The following SEC14L3 variants were observed in gnomAD, a reference collection of about 807,000 sequenced individuals.
SEC14L3 encodes the protein SEC14 like lipid binding 3.
SEC14L3 carries 56 observed loss-of-function variants against 57.4 expected under a neutral mutation model. That is an observed-to-expected ratio of 0.97 (90% CI 0.79 to 1.22). SEC14L3 has a LOEUF of 1.22. SEC14L3 is among the 50% of genes most tolerant of loss of function. The probability of loss-of-function intolerance (pLI) is 0.00; values close to 1 mark genes in which losing one functional copy is unlikely to be tolerated. For synonymous variants in SEC14L3, 173 were observed against 194.4 expected (o/e 0.89, Z 0.92); for missense variants, 485 against 511.7 (o/e 0.95, Z 0.50).
chr22:30,454,602 T>TATAATAATATTTATATAATCTATA (rs10677218), downstream of SEC14L3, among the ~76,000 whole-genome samples: 1 of 97,198 alleles, frequency 1.0e-5, no homozygotes, highest in African/African-American at 4.3e-5. Flanking sequence ...ATATATAATC[T>TATAATAATATTTATATAATCTATA]ATAATATTAT....
chr22:30,455,192 A>ATTATATTTAATATTTAATATT (rs1569225767), downstream of SEC14L3, among the ~76,000 whole-genome samples: 3 of 122,092 alleles, frequency 2.5e-5, no homozygotes, highest in Non-Finnish European at 3.2e-5. Flanking sequence ...TATTTAATAT[A>ATTATATTTAATATTTAATATT]TAATATAAAT....
chr22:30,454,016 T>C (rs1180227065), intron 12 of SEC14L3, among the ~76,000 whole-genome samples: 1 of 152,106 alleles, frequency 6.6e-6, no homozygotes, highest in Non-Finnish European at 1.5e-5. Flanking sequence ...TGTCTTACTG[T>C]TCTTTCTGGT....
chr22:30,466,070 G>A (rs1394433200), intron 7 of SEC14L3, among the ~76,000 whole-genome samples: 1 of 152,240 alleles, frequency 6.6e-6, no homozygotes, highest in Non-Finnish European at 1.5e-5. Flanking sequence ...GCAGTCTGGG[G>A]AGGGAGAGAT....
rs142389584 is a variant in SEC14L3, at chr22:30,466,124, G to C, written c.580+210C>G. Among the ~76,000 whole-genome samples the C allele has an allele frequency of 1.6e-3, 239 of 152,280 alleles. 1 individual carries two copies. Among genetic ancestry groups the C allele is most frequent in the African/African-American group, 5.6e-3 (232 of 41,552 alleles). On this transcript the variant is annotated intron_variant, in intron 7 of 11. Coordinates refer to ENST00000215812, the MANE Select transcript of SEC14L3 (RefSeq NM_174975.5). ...TAAGGGAGGATCCCTGGGAGAGCTG[G>C]GACTGGAGCTGCCTTCTCTTGCAGT... is the stretch of plus-strand genomic sequence containing the variant.
At position 30,448,850 on chromosome 22, in the gene SEC14L3, C is replaced by G. The variant is rs145564971; in HGVS notation, c.*237G>C. The stretch of plus-strand genomic sequence containing the variant: ...AAGGTTGCAGTGAGCTATGATCGCA[C>G]CACTGCACTCCAGCCTGGGCCACAA... On this transcript the variant is annotated 3_prime_UTR_variant, in exon 13 of 13. Transcript: ENST00000403066. 1.2e-3 allele frequency: 579 copies of G among 490,770 alleles called. 11 individuals carry two copies. In the East Asian group the frequency reaches 0.019, roughly 16 times the overall value. 30.4% of individuals were successfully genotyped at this position (490,770 alleles called of 1,614,324 possible).
At chr22:30,467,374 T>C (rs1935455062) in intron 5 of SEC14L3, among the ~76,000 whole-genome samples, 1 of 151,992 alleles carries the variant, frequency 6.6e-6, no homozygotes, top group Non-Finnish European at 1.5e-5. Flanking sequence ...TTGTCATTAA[T>C]TTATTCATCC....
chr22:30,470,390 A>C (rs1935566627), intron 2 of SEC14L3, 117 bp downstream of exon 2: 2 of 1,598,192 alleles, frequency 1.3e-6, no homozygotes, highest in East Asian at 2.2e-5. Flanking sequence ...CTGGACCTGA[A>C]CATGTGAAGC....
chr22:30,454,851 T>TTTTA (rs1935069218), downstream of SEC14L3, among the ~76,000 whole-genome samples: 1 of 56,602 alleles, frequency 1.8e-5, no homozygotes, highest in African/African-American at 9.4e-5. Context: ...ATATAATATA[T>TTTTA]TATATTATTA....
intron 12 of SEC14L3, among the ~76,000 whole-genome samples, chr22:30,452,234 TTTTC>T (rs1437931764): frequency 5.0e-5 from 7 of 140,868 alleles, no homozygotes; most frequent in Non-Finnish European, 7.5e-5. Flanking sequence ...AGGAATTTTC[TTTTC>T]TTTCTTTCTT....
At chr22:30,449,543 T>TTTTTCTTTTC (rs71814315) in intron 12 of SEC14L3, among the ~76,000 whole-genome samples, 2 of 137,722 alleles carry the variant, frequency 1.5e-5, no homozygotes, top group African/African-American at 2.8e-5. Context: ...TGTCCGTTCT[T>TTTTTCTTTTC]TTTTCTTTTC....
chr22:30,447,963 A>G, exon 13 of SEC14L3: 1 of 141,306 alleles, frequency 7.1e-6, no homozygotes, highest in African/African-American at 2.7e-5. Flanking sequence ...TTTTTTCATG[A>G]TGGCTGCCCC....
rs749424880 is a variant in SEC14L3, at chr22:30,471,897, G to C, written c.54+8C>G. ...GTCTTCCGGAACTCCAGGGGGAGGG[G>C]CTCTCACCTTGGCCAGGGTCTCTGC... On this transcript the variant is annotated splice_region_variant and intron_variant, in intron 1 of 11. Transcript: ENST00000215812. 1 of 1,613,198 alleles carries C rather than the reference G, an allele frequency of 6.2e-7. No individual in the cohort carries two copies. Among genetic ancestry groups the C allele is most frequent in the South Asian group, 1.1e-5 (1 of 90,986 alleles).
At chr22:30,468,765 T>G (rs1459200513) in intron 4 of SEC14L3, 69 bp from the exon 5 acceptor site, 5 of 1,613,184 alleles carry the variant, frequency 3.1e-6, no homozygotes, top group Non-Finnish European at 4.2e-6. Context: ...CAGGCTGACC[T>G]GGGTGGCCCA....
intron 12 of SEC14L3, among the ~76,000 whole-genome samples, chr22:30,450,506 T>C (rs1424914787): frequency 2.0e-5 from 3 of 152,138 alleles, no homozygotes; most frequent in African/African-American, 7.2e-5. Context: ...TTTCACCATA[T>C]TGGCCAGGCT....
chr22:30,471,315 T>C, intron 1 of SEC14L3: 2 of 455,288 alleles, frequency 4.4e-6, no homozygotes, highest in South Asian at 1.6e-5. Flanking sequence ...AAAGGATAAA[T>C]AATTGGGTGG....
downstream of SEC14L3, among the ~76,000 whole-genome samples, chr22:30,455,347 C>T (rs995102431): frequency 1.4e-5 from 2 of 148,004 alleles, no homozygotes; most frequent in Admixed American, 1.4e-4. Flanking sequence ...TTCCCAGGTT[C>T]AAGTGATTGT....
chr22:30,449,096 G>C, exon 13 of SEC14L3: 1 of 1,550,540 alleles, frequency 6.4e-7, no homozygotes, highest in Non-Finnish European at 8.7e-7. Flanking sequence ...ATTAGTTACT[G>C]GCAGGGAGGG....
At chr22:30,448,964 TA>T in exon 13 of SEC14L3, 1 of 875,478 alleles carries the variant, frequency 1.1e-6, no homozygotes, top group Non-Finnish European at 1.8e-6. Context: ...TGAGTATAGA[TA>T]ACCCCTCTTA....
chr22:30,468,562 G>T lies in SEC14L3; in HGVS notation c.369C>A (p.Thr123=), dbSNP rs1179413741. 1 of 1,613,838 alleles carries T rather than the reference G, an allele frequency of 6.2e-7. No homozygotes were observed. Among genetic ancestry groups the T allele is most frequent in the Middle Eastern group, 1.6e-4 (1 of 6,062 alleles). ...FSVTKQDLLK[T]KMRDCERILH... is the part of the protein sequence containing the mutation. ...GGATGCGCTCACAGTCCCTCATCTT[G>T]GTCTTGAGCAGGTCCTGCTTGGTGA... Residue 123 remains threonine (T), a synonymous_variant, in exon 5 of 12, where the codon ACC becomes ACA. Coordinates refer to ENST00000215812, the MANE Select transcript of SEC14L3 (RefSeq NM_174975.5).
Sources: allele counts gnomAD v4.1 joint callset (sites outside exome capture counted in the v4.1 genomes callset), GRCh38; gene constraint gnomAD v4.1.1; transcripts MANE v1.5; gene names NCBI Gene and HGNC (gene_info 2026-07-23, HGNC 2026-07-21).